RYR3: variants seen among roughly 807,000 people sequenced by gnomAD.
RYR3 encodes the protein brain ryanodine receptor-calcium release channel.
In RYR3, 207 loss-of-function variants were observed where a neutral mutation model predicts 584.3. The ratio of observed to expected loss-of-function variants is 0.35; its 90% CI spans 0.32 to 0.40. The LOEUF is 0.40. Ranked by LOEUF, RYR3 falls within the 10% of genes least tolerant of loss-of-function variation. The probability of loss-of-function intolerance (pLI) is 1.00; values close to 1 mark genes in which losing one functional copy is unlikely to be tolerated. For missense variants in RYR3, 5,616 were observed against 6,089.2 expected (o/e 0.92, Z 2.59); for synonymous variants, 2,416 against 2,248.5 (o/e 1.07, Z -2.11).
intron 12 of RYR3, among the ~76,000 whole-genome samples, chr15:33,572,688 C>CACACACACACAT (rs368204203): frequency 0.049 from 6,363 of 130,922 alleles, 210 homozygotes; most frequent in Middle Eastern, 0.059. Context: ...CACACACACA[C>CACACACACACAT]ACTGGGCTGG....
At position 33,859,743 on chromosome 15, in the gene RYR3, A is replaced by C; in HGVS notation, c.14299+12A>C. 6.3e-7 allele frequency: 1 copy of C among 1,599,944 alleles called. No homozygotes were observed. Among genetic ancestry groups the C allele is most frequent in the South Asian group, 1.1e-5 (1 of 89,146 alleles). The stretch of plus-strand genomic sequence containing the variant: ...GGCCATCATTCAAGGTATGATTGCC[A>C]ATTGTGTTGAGTATGAACAGGGTTT... On this transcript the variant is annotated intron_variant, in intron 100 of 103. Transcript: ENST00000634891.
intron 2 of RYR3, among the ~76,000 whole-genome samples, chr15:33,502,020 T>C (rs976385798): frequency 3.9e-5 from 6 of 152,214 alleles, no homozygotes; most frequent in African/African-American, 1.4e-4. Flanking sequence ...ACTAGGTTTT[T>C]AGGATTTCTC....
chr15:33,739,975 A>C lies in RYR3; in HGVS notation c.7800A>C (p.Pro2600=), dbSNP rs1276209545. 1.2e-6 allele frequency: 2 copies of C among 1,613,714 alleles called. No individual in the cohort carries two copies. Among genetic ancestry groups the C allele is most frequent in the African/African-American group, 2.7e-5 (2 of 74,928 alleles). Residue 2600 remains proline, a synonymous_variant, in exon 51 of 104, where the codon CCA becomes CCC. Coordinates refer to ENST00000634891, the MANE Select transcript of RYR3 (RefSeq NM_001036.6). The part of the protein sequence containing the change: ...ISVDADGNFD[P]KPINTMNFSL... The stretch of plus-strand genomic sequence containing the variant: ...TGGATGCGGATGGCAACTTTGACCC[A>C]AAACCTATTAACACCATGAAGTGAG...
chr15:33,617,764 G>A (rs988042760), intron 19 of RYR3, among the ~76,000 whole-genome samples: 22 of 106,002 alleles, frequency 2.1e-4, no homozygotes, highest in Non-Finnish European at 2.8e-4. Context: ...AGCCGTCATC[G>A]AAGAGCAAAG....
intron 1 of RYR3, among the ~76,000 whole-genome samples, chr15:33,391,822 C>T (rs2042016724): frequency 6.6e-6 from 1 of 152,018 alleles, no homozygotes; most frequent in Non-Finnish European, 1.5e-5. Flanking sequence ...TAGGACTCTT[C>T]CACAATGCTT....
Position 33,864,060 on chromosome 15 carries a change from G to C in RYR3, c.14466-78G>C. On this transcript the variant is annotated intron_variant, in intron 102 of 103. Coordinates refer to ENST00000634891, the MANE Select transcript of RYR3 (RefSeq NM_001036.6). ...GCGTGGGACCAACTAGCCTTTCTGA[G>C]CCCTGATCACAGTTAATCCATGCGA... 3.7e-6 allele frequency: 4 copies of C among 1,086,012 alleles called. No individual in the cohort carries two copies. The South Asian group carries it at 4.1e-5, about 11-fold the overall frequency. 67.3% of individuals were successfully genotyped at this position (1,086,012 alleles called of 1,614,324 possible).
chr15:33,681,075 C>T (rs1002210209), intron 38 of RYR3, among the ~76,000 whole-genome samples: 1 of 152,180 alleles, frequency 6.6e-6, no homozygotes, highest in Non-Finnish European at 1.5e-5. Context: ...TTCAGGCAGA[C>T]CTCAGTTACC....
intron 19 of RYR3, among the ~76,000 whole-genome samples, chr15:33,615,835 G>A (rs994403756): frequency 1.3e-5 from 2 of 152,176 alleles, no homozygotes; most frequent in Admixed American, 6.5e-5. Flanking sequence ...AGAAAAATCT[G>A]ATTGGAGCAA....
chr15:33,531,642 T>G (rs1414079817), intron 4 of RYR3, among the ~76,000 whole-genome samples: 1 of 102,940 alleles, frequency 9.7e-6, no homozygotes, highest in Non-Finnish European at 2.4e-5. Flanking sequence ...CATATATATA[T>G]ATATATTTTT....
intron 18 of RYR3, among the ~76,000 whole-genome samples, chr15:33,603,918 C>G (rs2059790701): frequency 6.6e-6 from 1 of 152,208 alleles, no homozygotes; most frequent in African/African-American, 2.4e-5. Flanking sequence ...TAGGTGCTAA[C>G]CTTTTTAAAC....
chr15:33,801,102 A>G (rs1457038035), intron 68 of RYR3, among the ~76,000 whole-genome samples: 2 of 152,222 alleles, frequency 1.3e-5, no homozygotes, highest in Non-Finnish European at 2.9e-5. Flanking sequence ...ATAAATCAAT[A>G]CATGTAAAGT....
rs548767163 is a variant in RYR3, at chr15:33,520,556, A to G, written c.280-10036A>G. Among the ~76,000 whole-genome samples, 45 of 146,268 alleles carry G rather than the reference A, an allele frequency of 3.1e-4. 1 individual carries two copies. The highest frequency in any genetic ancestry group is 1.1e-3 in the African/African-American group (45 of 39,574). The stretch of plus-strand genomic sequence containing the variant: ...TGCAAAGAATAAATTTGGCAACATC[A>G]GATTCTTAATCTATTAGCTACAGGA... On this transcript the variant is annotated intron_variant, in intron 3 of 103. Coordinates refer to ENST00000634891, the MANE Select transcript of RYR3 (RefSeq NM_001036.6).
At chr15:33,594,602 A>G (rs1211445570) in intron 16 of RYR3, among the ~76,000 whole-genome samples, 2 of 152,220 alleles carry the variant, frequency 1.3e-5, no homozygotes, top group African/African-American at 4.8e-5. Context: ...TCAGCTCTGC[A>G]TGAGAGTTCT....
At chr15:33,648,097 C>CT (rs1160123828) in intron 30 of RYR3, among the ~76,000 whole-genome samples, 1 of 150,874 alleles carries the variant, frequency 6.6e-6, no homozygotes, top group East Asian at 2.0e-4. Context: ...GAACAAGATT[C>CT]TTGCTGCAGT....
At chr15:33,692,301 A>C (rs2065490627) in intron 38 of RYR3, among the ~76,000 whole-genome samples, 1 of 152,102 alleles carries the variant, frequency 6.6e-6, no homozygotes, top group Non-Finnish European at 1.5e-5. Context: ...CTCCATCCCA[A>C]AAGTGTTTAG....
At chr15:33,859,122 C>T (rs1463305188) in intron 99 of RYR3, 1 of 157,558 alleles carries the variant, frequency 6.3e-6, no homozygotes, top group African/African-American at 2.4e-5. Flanking sequence ...CAGAAAAGTC[C>T]ATTACCTTTG....
At chr15:33,529,798 A>C (rs1478320726) in intron 3 of RYR3, among the ~76,000 whole-genome samples, 3 of 152,132 alleles carry the variant, frequency 2.0e-5, no homozygotes, top group Non-Finnish European at 4.4e-5. Context: ...CTCACCTCTA[A>C]CTATAATAAA....
rs768946448 is a variant in RYR3, at chr15:33,821,275, A to G, written c.10821A>G (p.Lys3607=). ...GTGATTTTTTTTCCCCCCAGGAGAA[A>G]GAGATGGAGAAGCAAAAAACCCTCT... is the stretch of plus-strand genomic sequence containing the variant. The part of the protein sequence containing the change: ...DEDKEKTFEE[K]EMEKQKTLYQ... Residue 3607 remains lysine (K), a synonymous_variant, in exon 79 of 104, where the codon AAA becomes AAG. Transcript: ENST00000634891. 3 of 1,592,428 alleles carry G rather than the reference A, an allele frequency of 1.9e-6. No homozygotes were observed. The highest frequency in any genetic ancestry group is 1.7e-6 in the Non-Finnish European group (2 of 1,169,552).
intron 81 of RYR3, among the ~76,000 whole-genome samples, chr15:33,824,826 G>C (rs1238475582): frequency 6.6e-6 from 1 of 152,190 alleles, no homozygotes; most frequent in Non-Finnish European, 1.5e-5. Flanking sequence ...AAACCTTTCA[G>C]ATTGGGGAAT....
Sources: allele counts gnomAD v4.1 joint callset (sites outside exome capture counted in the v4.1 genomes callset), GRCh38; gene constraint gnomAD v4.1.1; transcripts MANE v1.5; gene names NCBI Gene and HGNC (gene_info 2026-07-23, HGNC 2026-07-21).